The following ACACA variants were observed in gnomAD, a reference collection of about 807,000 sequenced individuals.
ACACA encodes the protein acetyl-CoA carboxylase 1.
In ACACA, 103 loss-of-function variants were observed where a neutral mutation model predicts 296.1. The ratio of observed to expected loss-of-function variants is 0.35; its 90% CI spans 0.30 to 0.41. The LOEUF (loss-of-function observed/expected upper bound fraction) is 0.41, where lower values mean the gene tolerates loss of function less well. ACACA is among the 10% of genes least tolerant of loss of function. The probability of loss-of-function intolerance (pLI) is 1.00; values close to 1 mark genes in which losing one functional copy is unlikely to be tolerated. For synonymous variants in ACACA, 953 were observed against 1,038.6 expected (o/e 0.92, Z 1.58); for missense variants, 1,554 against 2,989.7 (o/e 0.52, Z 11.20).
chr17:37,192,338 C>A, intron 36 of ACACA, 33 bp from the exon 37 acceptor site: 1 of 1,591,878 alleles, frequency 6.3e-7, no homozygotes, highest in East Asian at 2.2e-5. Context: ...AAACAGCTCA[C>A]AAGAGGCAGT....
chr17:37,215,580 G>T (rs1051403177), intron 29 of ACACA, among the ~76,000 whole-genome samples: 2 of 152,116 alleles, frequency 1.3e-5, no homozygotes, highest in Non-Finnish European at 1.5e-5. Context: ...AATACTAGTT[G>T]ACTGAAGAAT....
intron 41 of ACACA, among the ~76,000 whole-genome samples, chr17:37,169,278 T>C (rs2076798726): frequency 1.3e-5 from 2 of 152,190 alleles, no homozygotes; most frequent in South Asian, 4.1e-4. Flanking sequence ...TTTCCAGCTT[T>C]GTGTTTTTAA....
At chr17:37,340,612 C>A (rs2048335904) in intron 1 of ACACA, among the ~76,000 whole-genome samples, 1 of 152,204 alleles carries the variant, frequency 6.6e-6, no homozygotes, top group African/African-American at 2.4e-5. Context: ...ACCTATTACA[C>A]TGGTAGGGAA....
At chr17:37,354,643 G>C (rs1703317468) in intron 1 of ACACA, among the ~76,000 whole-genome samples, 2 of 152,174 alleles carry the variant, frequency 1.3e-5, no homozygotes, top group African/African-American at 2.4e-5. Flanking sequence ...TAAAGAAACA[G>C]GCTGAGTGCA....
intron 45 of ACACA, 66 bp from the exon 46 acceptor site, chr17:37,130,284 A>G: frequency 6.3e-7 from 1 of 1,594,866 alleles, no homozygotes; most frequent in Non-Finnish European, 8.6e-7. Flanking sequence ...CGATTTCACA[A>G]GTCGCACTAA....
rs952998657 is a variant in ACACA at position 37,406,405 on chromosome 17, C to T, written c.-106G>A. 4.2e-6 allele frequency: 5 copies of T among 1,185,420 alleles called. No homozygotes were observed. The highest frequency in any genetic ancestry group is 4.7e-5 in the East Asian group (2 of 42,972). The allele number at this position is 1,185,420 out of a possible 1,614,324, so 73.4% of individuals were successfully genotyped here. ...TCCAGGAGCATCTGATTGAAACGCACCCTCTTCACCCCTTAAAATCAGTCT... is the reference window on the plus strand; with the variant it reads ...TCCAGGAGCATCTGATTGAAACGCATCCTCTTCACCCCTTAAAATCAGTCT... On this transcript the variant is annotated 5_prime_UTR_variant, in exon 1 of 56. It adds an upstream start codon to the 5' untranslated region. Coordinates refer to ENST00000616317, the MANE Select transcript of ACACA (RefSeq NM_198834.3).
chr17:37,143,693 T>G, intron 45 of ACACA: 1 of 888,176 alleles, frequency 1.1e-6, no homozygotes, highest in Non-Finnish European at 1.8e-6. Context: ...TTCATCATCA[T>G]CATCTTCTTC....
At chr17:37,102,611 T>C (rs2073430908) in intron 52 of ACACA, among the ~76,000 whole-genome samples, 4 of 152,236 alleles carry the variant, frequency 2.6e-5, no homozygotes, top group Non-Finnish European at 2.9e-5. Context: ...GCAGATATCC[T>C]GCAGTGGCCA....
intron 3 of ACACA, among the ~76,000 whole-genome samples, chr17:37,319,821 A>G (rs1480522824): frequency 6.6e-6 from 1 of 152,036 alleles, no homozygotes; most frequent in Admixed American, 6.6e-5. Context: ...GGGTGGTGGC[A>G]GGCCCCTGTA....
chr17:37,167,610 C>T (rs1244009950), intron 41 of ACACA, among the ~76,000 whole-genome samples: 1 of 150,822 alleles, frequency 6.6e-6, no homozygotes, highest in Non-Finnish European at 1.5e-5. Flanking sequence ...CGAGCCACCG[C>T]GCCCAGCCAA....
chr17:37,270,056 G>A (rs756419108), intron 10 of ACACA, among the ~76,000 whole-genome samples: 1 of 152,112 alleles, frequency 6.6e-6, no homozygotes, highest in Non-Finnish European at 1.5e-5. Context: ...GGTCGTCTCC[G>A]CAACCAATGT....
At chr17:37,302,125 A>G (rs2083647676) in intron 3 of ACACA, among the ~76,000 whole-genome samples, 1 of 148,610 alleles carries the variant, frequency 6.7e-6, no homozygotes, top group Non-Finnish European at 1.5e-5. Flanking sequence ...CTAAAAGAAC[A>G]CCACCACGCC....
chr17:37,132,096 T>C (rs2075126154), intron 45 of ACACA, among the ~76,000 whole-genome samples: 1 of 152,236 alleles, frequency 6.6e-6, no homozygotes, highest in Non-Finnish European at 1.5e-5. Context: ...TGAGTCCATA[T>C]TACTAATAAC....
At chr17:37,255,767 A>T (rs1348329621) in intron 14 of ACACA, among the ~76,000 whole-genome samples, 1 of 152,042 alleles carries the variant, frequency 6.6e-6, no homozygotes, top group African/African-American at 2.4e-5. Flanking sequence ...TTTTTTTGAG[A>T]CGGAGTTTTG....
chr17:37,140,898 A>G, intron 45 of ACACA: 2 of 262,394 alleles, frequency 7.6e-6, no homozygotes, highest in South Asian at 8.9e-5. Flanking sequence ...CCCCGGGTGC[A>G]GGGATGAGGC....
chr17:37,098,239 C>A (rs1156342982), intron 52 of ACACA, among the ~76,000 whole-genome samples: 12 of 152,198 alleles, frequency 7.9e-5, no homozygotes, highest in Admixed American at 5.9e-4. Context: ...CAGATGGCAG[C>A]CCCTCTCCCA....
At chr17:37,350,328 C>CA (rs1208187664) in intron 1 of ACACA, among the ~76,000 whole-genome samples, 5 of 132,580 alleles carry the variant, frequency 3.8e-5, no homozygotes, top group African/African-American at 8.6e-5. Flanking sequence ...GAACCCGTCT[C>CA]AAAAAAAGAA....
chr17:37,274,821 T>A (rs748333301), intron 8 of ACACA: 12 of 264,186 alleles, frequency 4.5e-5, no homozygotes, highest in Non-Finnish European at 5.9e-5. Context: ...ATTCAACCTT[T>A]TATTTTAAAC....
intron 1 of ACACA, among the ~76,000 whole-genome samples, chr17:37,340,452 A>G (rs963476024): frequency 2.6e-5 from 4 of 152,228 alleles, no homozygotes; most frequent in African/African-American, 9.7e-5. Flanking sequence ...AAAATTTTAC[A>G]AAGTCTAAAC....
Sources: allele counts gnomAD v4.1 joint callset (sites outside exome capture counted in the v4.1 genomes callset), GRCh38; gene constraint gnomAD v4.1.1; transcripts MANE v1.5; gene names NCBI Gene and HGNC (gene_info 2026-07-23, HGNC 2026-07-21).